MEF2A: variants seen among roughly 807,000 people sequenced by gnomAD.
MEF2A encodes myocyte enhancer factor 2A.
MEF2A carries 28 observed loss-of-function variants against 55.8 expected under a neutral mutation model. The ratio of observed to expected loss-of-function variants is 0.50; its 90% CI spans 0.37 to 0.69. The LOEUF (loss-of-function observed/expected upper bound fraction) is 0.69, where lower values mean the gene tolerates loss of function less well. MEF2A is among the 30% of genes least tolerant of loss of function. The pLI is 0.00. For missense variants in MEF2A, 528 were observed against 626.2 expected (o/e 0.84, Z 1.67); for synonymous variants, 239 against 227.1 (o/e 1.05, Z -0.47).
chr15:99,666,368 T>C (rs2049704498), intron 4 of MEF2A, among the ~76,000 whole-genome samples: 1 of 151,992 alleles, frequency 6.6e-6, no homozygotes, highest in Non-Finnish European at 1.5e-5. Flanking sequence ...ATGTTCTCAC[T>C]CATAAGTGGG....
chr15:99,567,664 T>TGTGTGTG (rs1960294820), intron 1 of MEF2A, among the ~76,000 whole-genome samples: 1 of 151,284 alleles, frequency 6.6e-6, no homozygotes, highest in African/African-American at 2.4e-5. Context: ...TGTGTGTGTG[T>TGTGTGTG]ATTTTTGGAG....
chr15:99,610,791 C>T (rs1395234596), intron 2 of MEF2A, among the ~76,000 whole-genome samples: 3 of 152,080 alleles, frequency 2.0e-5, no homozygotes, highest in Non-Finnish European at 4.4e-5. Context: ...GGATCAAGTA[C>T]TTAATGTAAG....
rs186400226 is a variant in MEF2A, at chr15:99,669,641, C to T, written c.259-1682C>T. Among the ~76,000 whole-genome samples the T allele has an allele frequency of 9.9e-5, 15 of 152,232 alleles. No homozygotes were observed. In the East Asian group the frequency reaches 1.2e-3, roughly 12 times the overall value. On this transcript the variant is annotated intron_variant, in intron 4 of 11. Transcript: ENST00000557942. The stretch of plus-strand genomic sequence containing the variant: ...CATGCCAAGTAATTTAATAAGCTAA[C>T]GTATCTGTACTAATGATTGTTTATG...
Position 99,671,621 on chromosome 15 carries a change from G to A in MEF2A, c.390+167G>A, listed in dbSNP as rs34195807. ...AAGAAAAATATAAAAAAATTAATGA[G>A]GAATTTGATAATATGATGCGGAATC... is the stretch of plus-strand genomic sequence containing the variant. On this transcript the variant is annotated intron_variant, in intron 5 of 11. Coordinates refer to ENST00000557942, the MANE Select transcript of MEF2A (RefSeq NM_001319206.4). 267 of 1,591,142 alleles carry A rather than the reference G, an allele frequency of 1.7e-4. No homozygotes were observed. In the African/African-American group the frequency reaches 3.3e-3, roughly 20 times the overall value.
intron 4 of MEF2A, among the ~76,000 whole-genome samples, chr15:99,666,495 G>A (rs984155401): frequency 1.4e-4 from 22 of 151,752 alleles, no homozygotes; most frequent in Middle Eastern, 3.4e-3. Flanking sequence ...ATGATGGGTT[G>A]ATAGGTGCAG....
At chr15:99,598,954 G>A (rs1010810237) in intron 2 of MEF2A, among the ~76,000 whole-genome samples, 6 of 152,050 alleles carry the variant, frequency 3.9e-5, no homozygotes, top group African/African-American at 1.4e-4. Context: ...CATGGGAAAG[G>A]TCAAATAGAA....
intron 1 of MEF2A, among the ~76,000 whole-genome samples, chr15:99,588,819 A>G (rs1968296271): frequency 6.6e-6 from 1 of 151,032 alleles, no homozygotes; most frequent in Non-Finnish European, 1.5e-5. Context: ...CTCTATGTCT[A>G]TTGGAATTAA....
Position 99,627,419 on chromosome 15 carries a change from C to CAAAA in MEF2A, c.-142-5531_-142-5528dup, listed in dbSNP as rs139658538. ...TGGGCGACAGAGTGAGACTTTATCT[C>CAAAA]AAAAAAAAAAAAAAAAAAAAAAAAA... On this transcript the variant is annotated intron_variant, in intron 2 of 11. Transcript: ENST00000557942. Among the ~76,000 whole-genome samples, 131 of 43,072 alleles carry CAAAA rather than the reference C, an allele frequency of 3.0e-3. 4 individuals carry two copies. The highest frequency in any genetic ancestry group is 8.9e-3 in the African/African-American group (81 of 9,144). The allele number at this position is 43,072 out of a possible 152,430, so 28.3% of individuals were successfully genotyped here.
At position 99,674,548 on chromosome 15, in the gene MEF2A, A is replaced by G. The variant is rs146192119; in HGVS notation, c.546A>G (p.Gln182=). 4 of 1,613,914 alleles carry G rather than the reference A, an allele frequency of 2.5e-6. No individual in the cohort carries two copies. Among genetic ancestry groups the G allele is most frequent in the Non-Finnish European group, 3.4e-6 (4 of 1,179,872 alleles). ...LTDSSMLSPP[Q]TTLHRNVSPG... ...ATTCAAGCATGCTCTCTCCACCTCA[A>G]ACCACATTACATAGAAATGTGTCTC... is the stretch of plus-strand genomic sequence containing the variant. The change falls in exon 6 of 12, where the codon CAA becomes CAG. Residue 182 remains glutamine (Q), a synonymous_variant. Transcript: ENST00000557942.
chr15:99,660,290 C>T (rs1023854440), intron 4 of MEF2A, among the ~76,000 whole-genome samples: 3 of 152,292 alleles, frequency 2.0e-5, no homozygotes. Flanking sequence ...CGACCTCCGC[C>T]TGGGAGACAT....
intron 2 of MEF2A, among the ~76,000 whole-genome samples, chr15:99,623,799 T>C (rs1407108985): frequency 1.3e-5 from 2 of 152,020 alleles, no homozygotes; most frequent in Non-Finnish European, 2.9e-5. Flanking sequence ...AAATATATGA[T>C]CTGCCGTTTT....
intron 2 of MEF2A, among the ~76,000 whole-genome samples, chr15:99,599,776 A>C (rs1972375413): frequency 6.6e-6 from 1 of 152,086 alleles, no homozygotes; most frequent in Non-Finnish European, 1.5e-5. Flanking sequence ...TTTTCTCATC[A>C]TTACAGTTGG....
At chr15:99,629,444 G>A (rs757491205) in intron 2 of MEF2A, among the ~76,000 whole-genome samples, 5 of 152,128 alleles carry the variant, frequency 3.3e-5, no homozygotes, top group Admixed American at 6.5e-5. Flanking sequence ...GGGTCGGGTC[G>A]TACAATCTAA....
In MEF2A at chr15:99,581,310, A is replaced by G. The variant is rs111504918; in HGVS notation, c.-225+15206A>G. Reference sequence around the variant, plus strand: ...ATAATATAAATTAAAATCTTTTGCTATTAATGACACAGCTTTGGAGTTATC... The same window carrying G: ...ATAATATAAATTAAAATCTTTTGCTGTTAATGACACAGCTTTGGAGTTATC... On this transcript the variant is annotated intron_variant, in intron 1 of 11. Transcript: ENST00000557942. Among the ~76,000 whole-genome samples, 630 of 152,316 alleles carry G rather than the reference A, an allele frequency of 4.1e-3. 8 individuals are homozygous for G. Among genetic ancestry groups the G allele is most frequent in the African/African-American group, 0.015 (605 of 41,590 alleles).
intron 3 of MEF2A, among the ~76,000 whole-genome samples, chr15:99,644,559 A>G (rs772758041): frequency 6.6e-6 from 1 of 152,234 alleles, no homozygotes; most frequent in Non-Finnish European, 1.5e-5. Flanking sequence ...TTTTAAGTCT[A>G]GGCCAGTAGT....
chr15:99,614,968 G>C (rs2039948329), intron 2 of MEF2A, among the ~76,000 whole-genome samples: 1 of 152,134 alleles, frequency 6.6e-6, no homozygotes, highest in Non-Finnish European at 1.5e-5. Flanking sequence ...TAAAGGCTTG[G>C]GCTTTTAAGA....
chr15:99,636,474 T>C (rs375034854), intron 3 of MEF2A, among the ~76,000 whole-genome samples: 16 of 152,188 alleles, frequency 1.1e-4, no homozygotes, highest in Admixed American at 3.9e-4. Context: ...ACCTCTTGAG[T>C]AGGTTGGACT....
chr15:99,623,542 C>T (rs1309483218), intron 2 of MEF2A, among the ~76,000 whole-genome samples: 1 of 152,174 alleles, frequency 6.6e-6, no homozygotes, highest in East Asian at 1.9e-4. Flanking sequence ...TTCCAGTTTT[C>T]CACACCCATG....
intron 1 of MEF2A, among the ~76,000 whole-genome samples, chr15:99,567,781 T>TATTA (rs1960366382): frequency 6.6e-6 from 1 of 152,160 alleles, no homozygotes; most frequent in Non-Finnish European, 1.5e-5. Context: ...TTAAATGTCA[T>TATTA]AAACACACAC....
Sources: gnomAD v4.1 joint callset for allele counts (sites outside exome capture counted in the v4.1 genomes callset) on GRCh38, gnomAD v4.1.1 for gene constraint, MANE v1.5 for transcripts, NCBI Gene and HGNC (gene_info 2026-07-23, HGNC 2026-07-21) for gene names.